DENND1A: variants seen among roughly 807,000 people sequenced by gnomAD.
The protein encoded by DENND1A is DENN domain containing 1A.
In DENND1A, 51 loss-of-function variants were observed where a neutral mutation model predicts 113.7. The observed-to-expected ratio is 0.45, with a 90% CI of 0.36 to 0.57. The LOEUF (loss-of-function observed/expected upper bound fraction) is 0.57. DENND1A is among the 20% of genes least tolerant of loss of function. The probability of loss-of-function intolerance (pLI) is 0.00; values close to 1 mark genes in which losing one functional copy is unlikely to be tolerated. For missense variants in DENND1A, 1,258 were observed against 1,395.9 expected (o/e 0.90, Z 1.57); for synonymous variants, 565 against 570.8 (o/e 0.99, Z 0.14).
chr9:123,616,680 G>A (rs1000517742), intron 10 of DENND1A, among the ~76,000 whole-genome samples: 1 of 152,180 alleles, frequency 6.6e-6, no homozygotes, highest in African/African-American at 2.4e-5. Context: ...AACCCAAAAG[G>A]GAAACAAGAC....
chr9:123,444,017 A>T (rs2047125565), intron 18 of DENND1A, among the ~76,000 whole-genome samples: 1 of 152,168 alleles, frequency 6.6e-6, no homozygotes, highest in South Asian at 2.1e-4. Flanking sequence ...TAGAGATCTT[A>T]TACGTAGTAG....
chr9:123,665,740 C>T (rs939258650), intron 8 of DENND1A, among the ~76,000 whole-genome samples: 38 of 152,268 alleles, frequency 2.5e-4, no homozygotes, highest in Non-Finnish European at 4.4e-4. Flanking sequence ...GGCATTTGTA[C>T]GCCAATGTTC....
chr9:123,387,634 A>C, intron 22 of DENND1A, 96 bp downstream of exon 22: 181 of 710,606 alleles, frequency 2.5e-4, no homozygotes, highest in Non-Finnish European at 3.5e-4. Flanking sequence ...CCTCCCCCCG[A>C]CACAAAGGCA....
At chr9:123,631,806 A>G (rs2061487297) in intron 9 of DENND1A, among the ~76,000 whole-genome samples, 1 of 152,198 alleles carries the variant, frequency 6.6e-6, no homozygotes, top group African/African-American at 2.4e-5. Context: ...ATTTGATGCA[A>G]TTAAAAATTT....
intron 5 of DENND1A, among the ~76,000 whole-genome samples, chr9:123,694,895 G>C (rs1243492946): frequency 6.6e-6 from 1 of 152,224 alleles, no homozygotes; most frequent in Admixed American, 6.5e-5. Context: ...GGGTGTGTCT[G>C]TGAGGGTATT....
chr9:123,728,338 G>A (rs540878251), intron 5 of DENND1A, among the ~76,000 whole-genome samples: 147 of 150,830 alleles, frequency 9.7e-4, no homozygotes, highest in African/African-American at 3.4e-3. Flanking sequence ...TTAGCCAGGC[G>A]TGGTGGCACA....
intron 1 of DENND1A, among the ~76,000 whole-genome samples, chr9:123,923,922 C>T (rs974498594): frequency 6.6e-6 from 1 of 152,164 alleles, no homozygotes; most frequent in Non-Finnish European, 1.5e-5. Context: ...CCAGCAATTC[C>T]ACTCCTAAGT....
At chr9:123,879,553 T>TACACACACACACAC (rs138124573) in intron 1 of DENND1A, among the ~76,000 whole-genome samples, 225 of 150,102 alleles carry the variant, frequency 1.5e-3, no homozygotes, top group African/African-American at 4.0e-3. Context: ...AATAAAATTA[T>TACACACACACACAC]ACACACACAC....
At chr9:123,616,376 G>A (rs182999168) in intron 10 of DENND1A, among the ~76,000 whole-genome samples, 7 of 151,928 alleles carry the variant, frequency 4.6e-5, no homozygotes, top group Non-Finnish European at 8.8e-5. Context: ...TGCTACTGTC[G>A]ACAAAAAATG....
At chr9:123,795,870 T>C (rs867522753) in intron 2 of DENND1A, among the ~76,000 whole-genome samples, 4 of 152,212 alleles carry the variant, frequency 2.6e-5, no homozygotes, top group African/African-American at 7.2e-5. Flanking sequence ...GAAAGTAACA[T>C]AATTTGCTTA....
rs137932624 is a variant in DENND1A at position 123,426,706 on chromosome 9, G to A, written c.1488+13654C>T. Among the ~76,000 whole-genome samples, 144 of 152,328 alleles carry A rather than the reference G, an allele frequency of 9.5e-4. 2 individuals are homozygous for A. Among genetic ancestry groups the A allele is most frequent in the African/African-American group, 3.4e-3 (141 of 41,570 alleles). ...TTTCTGTTCCTCTTTGTGTATTTTAGTTGAGCTTTTCTGGAGACCATAACT... is the reference window on the plus strand; with the variant it reads ...TTTCTGTTCCTCTTTGTGTATTTTAATTGAGCTTTTCTGGAGACCATAACT... On this transcript the variant is annotated intron_variant, in intron 19 of 23. Transcript: ENST00000394215.
chr9:123,502,973 T>C (rs2052615649), intron 13 of DENND1A, among the ~76,000 whole-genome samples: 1 of 152,228 alleles, frequency 6.6e-6, no homozygotes, highest in Admixed American at 6.5e-5. Flanking sequence ...TTGCAAGATC[T>C]AGCCGTGACC....
intron 6 of DENND1A, among the ~76,000 whole-genome samples, chr9:123,675,021 A>T (rs932002816): frequency 4.6e-5 from 7 of 152,172 alleles, no homozygotes; most frequent in Admixed American, 1.3e-4. Context: ...AGATGAACAG[A>T]CCCAAGGTGA....
chr9:123,601,353 T>C (rs1367879235), intron 11 of DENND1A, among the ~76,000 whole-genome samples: 1 of 152,248 alleles, frequency 6.6e-6, no homozygotes, highest in Non-Finnish European at 1.5e-5. Flanking sequence ...AACATTAGGA[T>C]AAGTGGCATT....
At chr9:123,479,448 C>T (rs924224115) in intron 13 of DENND1A, among the ~76,000 whole-genome samples, 14 of 152,208 alleles carry the variant, frequency 9.2e-5, no homozygotes, top group East Asian at 3.8e-4. Context: ...GGAAACCTTT[C>T]GGCTTTTCAG....
At position 123,849,843 on chromosome 9, in the gene DENND1A, T is replaced by C. The variant is rs77619732; in HGVS notation, c.88+29108A>G. Among the ~76,000 whole-genome samples, 415 of 152,188 alleles carry C rather than the reference T, an allele frequency of 2.7e-3. 7 individuals are homozygous for C. In the East Asian group the frequency reaches 0.068, roughly 25 times the overall value. ...CTGATTCCAGCCCTCCTGGATGACA[T>C]TGAGGTATTTAAGACTTCAGTGGAG... On this transcript the variant is annotated intron_variant, in intron 2 of 23. Coordinates refer to ENST00000394215, the MANE Select transcript of DENND1A (RefSeq NM_001352964.2).
intron 11 of DENND1A, among the ~76,000 whole-genome samples, chr9:123,591,157 T>C (rs770975788): frequency 1.3e-5 from 2 of 152,220 alleles, no homozygotes; most frequent in African/African-American, 2.4e-5. Flanking sequence ...CAAGATGGTA[T>C]TGAGCCTTAC....
chr9:123,579,024 A>C (rs538401690), intron 12 of DENND1A, among the ~76,000 whole-genome samples: 1 of 152,280 alleles, frequency 6.6e-6, no homozygotes, highest in South Asian at 2.1e-4. Flanking sequence ...CAGTTCTAAA[A>C]ACCTACAGTA....
intron 13 of DENND1A, among the ~76,000 whole-genome samples, chr9:123,479,906 A>C (rs938671584): frequency 1.3e-5 from 2 of 152,206 alleles, no homozygotes; most frequent in Non-Finnish European, 2.9e-5. Context: ...CATTCCAAGA[A>C]ACTCAGAAAA....
Sources: allele counts gnomAD v4.1 joint callset (sites outside exome capture counted in the v4.1 genomes callset), GRCh38; gene constraint gnomAD v4.1.1; transcripts MANE v1.5; gene names NCBI Gene and HGNC (gene_info 2026-07-23, HGNC 2026-07-21).